PRDM16: variants seen among roughly 807,000 people sequenced by gnomAD.
PRDM16 encodes the protein PR/SET domain 16.
In PRDM16, 23 loss-of-function variants were observed where a neutral mutation model predicts 110.6. That is an observed-to-expected ratio of 0.21 (90% CI 0.15 to 0.29). The LOEUF (loss-of-function observed/expected upper bound fraction) is 0.29. PRDM16 is among the 10% of genes least tolerant of loss of function. PRDM16 has a pLI of 1.00. For missense variants in PRDM16, 1,615 were observed against 1,794.3 expected (o/e 0.90, Z 1.81); for synonymous variants, 799 against 781.8 (o/e 1.02, Z -0.37).
chr1:3,292,888 C>T (rs1641008094), intron 3 of PRDM16, among the ~76,000 whole-genome samples: 1 of 152,232 alleles, frequency 6.6e-6, no homozygotes, highest in Non-Finnish European at 1.5e-5. Context: ...GAAGCGTGAG[C>T]AGCCCTGTGG....
chr1:3,273,456 GTGGGTGTGAGTGAA>G (rs1640503700), intron 3 of PRDM16, among the ~76,000 whole-genome samples: 1 of 152,158 alleles, frequency 6.6e-6, no homozygotes. Context: ...GTGTGGGTGG[GTGGGTGTGAGTGAA>G]TGTGTGTGCA....
At chr1:3,263,814 A>C (rs1272493637) in intron 3 of PRDM16, among the ~76,000 whole-genome samples, 3 of 152,174 alleles carry the variant, frequency 2.0e-5, no homozygotes, top group African/African-American at 7.2e-5. Flanking sequence ...CCCATTAGAA[A>C]AGCGACCCCT....
At chr1:3,380,411 C>T (rs79009011) in intron 3 of PRDM16, among the ~76,000 whole-genome samples, 4,147 of 152,068 alleles carry the variant, frequency 0.027, 140 homozygotes, top group African/African-American at 0.088. Flanking sequence ...GTTGGGGACC[C>T]GGCCTCCGGG....
chr1:3,408,404 A>G (rs1162980074), intron 8 of PRDM16, among the ~76,000 whole-genome samples: 1 of 152,214 alleles, frequency 6.6e-6, no homozygotes, highest in Non-Finnish European at 1.5e-5. Context: ...AGGAAGTATA[A>G]TATCTGGGAA....
chr1:3,154,991 C>G (rs1406015777), intron 1 of PRDM16, among the ~76,000 whole-genome samples: 1 of 152,238 alleles, frequency 6.6e-6, no homozygotes, highest in African/African-American at 2.4e-5. Flanking sequence ...TAGAAACAGA[C>G]TGTTTCTTCC....
rs765834618 is a variant in PRDM16 at position 3,412,573 on chromosome 1, C to T, written c.2376C>T (p.Pro792=). ...VKPILPMPKG[P]SAPASGEEQP... is the part of the protein sequence containing the mutation. Reference sequence around the variant, plus strand: ...CCATCCTGCCCATGCCCAAGGGCCCCTCGGCCCCCGCATCCGGCGAGGAGC... The same window carrying T: ...CCATCCTGCCCATGCCCAAGGGCCCTTCGGCCCCCGCATCCGGCGAGGAGC... Residue 792 remains proline, a synonymous_variant, in exon 9 of 17, where the codon CCC becomes CCT. Transcript: ENST00000270722. 5.6e-6 allele frequency: 9 copies of T among 1,608,150 alleles called. No individual in the cohort carries two copies. In the East Asian group the frequency reaches 1.6e-4, roughly 28 times the overall value.
At chr1:3,222,599 A>G (rs910267456) in intron 2 of PRDM16, among the ~76,000 whole-genome samples, 2 of 152,170 alleles carry the variant, frequency 1.3e-5, no homozygotes, top group Admixed American at 6.5e-5. Context: ...CTCATGCACC[A>G]GCTACCATGC....
At chr1:3,145,178 A>G (rs1485134087) in intron 1 of PRDM16, among the ~76,000 whole-genome samples, 1 of 151,852 alleles carries the variant, frequency 6.6e-6, no homozygotes, top group African/African-American at 2.4e-5. Context: ...TCAGCAGGAA[A>G]CCGCCCCCAC....
chr1:3,181,703 CGGTCTT>C (rs1644200041), intron 1 of PRDM16, among the ~76,000 whole-genome samples: 1 of 87,676 alleles, frequency 1.1e-5, no homozygotes, highest in Non-Finnish European at 2.4e-5. Flanking sequence ...GTCTTACACA[CGGTCTT>C]ACACACGCAG....
rs1642036428 is a variant in PRDM16 at position 3,081,825 on chromosome 1, G to A, written c.37+12529G>A. Among the ~76,000 whole-genome samples, 2 of 152,014 alleles carry A rather than the reference G, an allele frequency of 1.3e-5. No individual in the cohort carries two copies. The highest frequency in any genetic ancestry group is 6.5e-5 in the Admixed American group (1 of 15,270). ...GGGCAGCAAGGGAGACCACCTCCTT[G>A]CTGCCCTGACTAAACACCAGCTTTG... On this transcript the variant is annotated intron_variant, in intron 1 of 16. Transcript: ENST00000270722. The surrounding 1 kb of genome is among the most constrained non-coding windows in gnomAD (Gnocchi z 4.6).
rs1377799146 is a variant in PRDM16 at position 3,206,150 on chromosome 1, A to G, written c.387+19676A>G. 6.6e-6 allele frequency: 1 copy of G among 152,336 alleles called. No individual in the cohort carries two copies. The highest frequency in any genetic ancestry group is 1.5e-5 in the Non-Finnish European group (1 of 68,158). The allele number at this position is 152,336 out of a possible 1,614,324, so 9.4% of individuals were successfully genotyped here. On this transcript the variant is annotated intron_variant, in intron 2 of 16. Transcript: ENST00000270722. This position sits in a 1 kb window ranked among gnomAD's most constrained non-coding sequence, Gnocchi z 4.9. ...TCAGCAAGTCCCCTTGTCGGAGGCCACAGAGCTGGGGTGAACCTACTCTGG... is the reference window on the plus strand; with the variant it reads ...TCAGCAAGTCCCCTTGTCGGAGGCCGCAGAGCTGGGGTGAACCTACTCTGG...
intron 1 of PRDM16, among the ~76,000 whole-genome samples, chr1:3,183,973 T>G (rs1644239424): frequency 6.6e-6 from 1 of 151,864 alleles, no homozygotes; most frequent in African/African-American, 2.4e-5. Flanking sequence ...CAGTTCCAAA[T>G]AACAAGATGC....
intron 1 of PRDM16, among the ~76,000 whole-genome samples, chr1:3,102,886 G>A (rs1028394662): frequency 6.6e-6 from 1 of 152,204 alleles, no homozygotes. Flanking sequence ...CTGCTGCTCT[G>A]GAGGTCAGAG....
chr1:3,187,590 C>T (rs1003685892), intron 2 of PRDM16, among the ~76,000 whole-genome samples: 1 of 152,184 alleles, frequency 6.6e-6, no homozygotes, highest in Non-Finnish European at 1.5e-5. Flanking sequence ...AGCACCTCCC[C>T]GGGCTGGCGG....
intron 3 of PRDM16, among the ~76,000 whole-genome samples, chr1:3,314,428 G>T (rs1641549164): frequency 6.6e-6 from 1 of 152,156 alleles, no homozygotes; most frequent in African/African-American, 2.4e-5. Context: ...ACAGTCTGCA[G>T]GTCAGAGGAA....
intron 3 of PRDM16, among the ~76,000 whole-genome samples, chr1:3,285,382 C>A (rs1186725327): frequency 6.6e-6 from 1 of 152,196 alleles, no homozygotes; most frequent in Non-Finnish European, 1.5e-5. Flanking sequence ...CCTTTCAGGT[C>A]GTTTTACGTT....
At chr1:3,127,731 C>T (rs558706375) in intron 1 of PRDM16, among the ~76,000 whole-genome samples, 2 of 152,262 alleles carry the variant, frequency 1.3e-5, no homozygotes, top group African/African-American at 2.4e-5. Flanking sequence ...CGGCCTGAAT[C>T]TCTGAGCGAG....
At chr1:3,199,325 T>G (rs546807244) in intron 2 of PRDM16, among the ~76,000 whole-genome samples, 1 of 152,140 alleles carries the variant, frequency 6.6e-6, no homozygotes, top group Non-Finnish European at 1.5e-5. Context: ...AAATAAAACC[T>G]TGTGTGAAAA....
At chr1:3,216,966 G>A (rs1210786604) in intron 2 of PRDM16, among the ~76,000 whole-genome samples, 2 of 152,240 alleles carry the variant, frequency 1.3e-5, no homozygotes, top group Non-Finnish European at 1.5e-5. Context: ...CTGGGATTGC[G>A]GCAGTTCCTC....
Sources: allele counts gnomAD v4.1 joint callset (sites outside exome capture counted in the v4.1 genomes callset), GRCh38; gene constraint gnomAD v4.1.1; non-coding constraint Gnocchi (gnomAD v3.1); transcripts MANE v1.5; gene names NCBI Gene and HGNC (gene_info 2026-07-23, HGNC 2026-07-21).